NIPAL4: variants seen among roughly 807,000 people sequenced by gnomAD.
NIPAL4 encodes NIPA like domain containing 4.
In NIPAL4, 21 loss-of-function variants were observed where a neutral mutation model predicts 31.6. The ratio of observed to expected loss-of-function variants is 0.67; its 90% CI spans 0.47 to 0.96. NIPAL4 has a LOEUF of 0.96. Among genes scored for constraint, NIPAL4 ranks in the 40% least tolerant of loss-of-function variants. The pLI is 0.00. For missense variants in NIPAL4, 438 were observed against 508.0 expected (o/e 0.86, Z 1.32); for synonymous variants, 175 against 211.1 (o/e 0.83, Z 1.48).
rs762478156 is a variant in NIPAL4 at position 157,472,751 on chromosome 5, A to T, written c.1006A>T (p.Ile336Phe). The change falls in exon 6 of 6, where the codon ATC becomes TTC. Residue 336 changes from isoleucine (I) to phenylalanine (F), a missense_variant. Physicochemically the swap from Ile to Phe is conservative, Grantham distance 21. Coordinates refer to ENST00000311946, the MANE Select transcript of NIPAL4 (RefSeq NM_001099287.2). ...CACCCTCTCGGGCTTTGTCACCATC[A>T]TCTTGGGCGTGTTCATGCTGCATGC... ...AGTLSGFVTI[I>F]LGVFMLHAFK... is the part of the protein sequence containing the mutation. 2.5e-6 allele frequency: 4 copies of T among 1,613,482 alleles called. No individual in the cohort carries two copies. Among genetic ancestry groups the T allele is most frequent in the Non-Finnish European group, 3.4e-6 (4 of 1,179,490 alleles).
chr5:157,464,843 A>G (rs1437305888), intron 2 of NIPAL4, among the ~76,000 whole-genome samples: 1 of 152,176 alleles, frequency 6.6e-6, no homozygotes, highest in Non-Finnish European at 1.5e-5. Flanking sequence ...TGGTGATTCA[A>G]TTCTGGGCAA....
intron 1 of NIPAL4, among the ~76,000 whole-genome samples, chr5:157,462,836 T>C (rs1398710234): frequency 1.3e-5 from 2 of 152,232 alleles, no homozygotes; most frequent in East Asian, 3.8e-4. Flanking sequence ...TATGTACTTC[T>C]TCTGACTGAG....
At chr5:157,471,895 G>T in intron 5 of NIPAL4, 78 bp downstream of exon 5, 1 of 1,100,860 alleles carries the variant, frequency 9.1e-7, no homozygotes, top group Admixed American at 2.0e-5. Context: ...GGTCAGGTTG[G>T]GTTCTGACCA....
intron 3 of NIPAL4, among the ~76,000 whole-genome samples, chr5:157,468,197 G>A (rs541240975): frequency 6.6e-6 from 1 of 152,008 alleles, no homozygotes; most frequent in Admixed American, 6.5e-5. Flanking sequence ...TTACAGGTGT[G>A]AGGCAACGCG....
At chr5:157,470,258 T>C (rs1754389176) in intron 4 of NIPAL4, among the ~76,000 whole-genome samples, 1 of 152,128 alleles carries the variant, frequency 6.6e-6, no homozygotes, top group Admixed American at 6.5e-5. Context: ...CCTTCCTCTC[T>C]TGCTTCTGCT....
Position 157,471,790 on chromosome 5 carries a change from G to A in NIPAL4, c.559G>A (p.Glu187Lys), listed in dbSNP as rs1225886758. 2 of 1,596,122 alleles carry A rather than the reference G, an allele frequency of 1.3e-6. No individual in the cohort carries two copies. Among genetic ancestry groups the A allele is most frequent in the Non-Finnish European group, 1.7e-6 (2 of 1,171,098 alleles). ...GGAAGAGAAGGTCACTACCATCATGGAGATGGCTTCCAAGATGAAAGACAC... is the reference window on the plus strand; with the variant it reads ...GGAAGAGAAGGTCACTACCATCATGAAGATGGCTTCCAAGATGAAAGACAC... ...PEEEKVTTIM[E>K]MASKMKDTGF... Residue 187 changes from glutamate (E) to lysine (K), a missense_variant, in exon 5 of 6, where the codon GAG becomes AAG. Transcript: ENST00000311946.
intron 2 of NIPAL4, among the ~76,000 whole-genome samples, chr5:157,466,326 G>A (rs1401431566): frequency 1.3e-5 from 2 of 152,326 alleles, no homozygotes; most frequent in African/African-American, 4.8e-5. Context: ...TTGGACAGGT[G>A]AGCAGGGCCA....
At position 157,460,229 on chromosome 5, in the gene NIPAL4, G is replaced by A. The variant is rs1341831936; in HGVS notation, c.-92G>A. The A allele has an allele frequency of 2.0e-6, 3 of 1,503,248 alleles. No homozygotes were observed. Among genetic ancestry groups the A allele is most frequent in the Non-Finnish European group, 1.8e-6 (2 of 1,129,038 alleles). The allele number at this position is 1,503,248 out of a possible 1,614,324, so 93.1% of individuals were successfully genotyped here. ...GACCCCGGCGGCTTCTCGCGCGCGA[G>A]CCACGCGGGGGACAAGTCGCGGCCA... On this transcript the variant is annotated 5_prime_UTR_variant, in exon 1 of 6. Transcript: ENST00000311946.
intron 2 of NIPAL4, among the ~76,000 whole-genome samples, chr5:157,464,462 A>G (rs2113660957): frequency 6.6e-6 from 1 of 152,320 alleles, no homozygotes; most frequent in Middle Eastern, 3.4e-3. Context: ...ATTAGGGGAC[A>G]AGCCTGGAGC....
At chr5:157,461,827 A>G (rs1754119030) in intron 1 of NIPAL4, among the ~76,000 whole-genome samples, 1 of 152,210 alleles carries the variant, frequency 6.6e-6, no homozygotes, top group African/African-American at 2.4e-5. Context: ...CAGTTTCCCC[A>G]GAAAAAATAA....
intron 1 of NIPAL4, 123 bp from the exon 2 acceptor site, chr5:157,462,971 C>T (rs568504531): frequency 1.9e-5 from 23 of 1,219,784 alleles, no homozygotes; most frequent in Middle Eastern, 2.2e-4. Context: ...GGTGGAGGCA[C>T]GGTATATGGG....
rs750991783 is a variant in NIPAL4, at chr5:157,471,754, C to G, written c.523C>G (p.His175Asp). The G allele has an allele frequency of 1.2e-6, 2 of 1,604,100 alleles. No individual in the cohort carries two copies. The highest frequency in any genetic ancestry group is 2.2e-5 in the South Asian group (2 of 88,992). ...GGCCGGAAGCACAGTGATGGTGATA[C>G]ATGCTCCTGAGGAAGAGAAGGTCAC... ...CVAGSTVMVI[H>D]APEEEKVTTI... The change falls in exon 5 of 6, where the codon CAT (histidine) becomes GAT (aspartate). Residue 175 changes from histidine (H) to aspartate (D), a missense_variant. Transcript: ENST00000311946.
chr5:157,460,690 T>G, intron 1 of NIPAL4: 5 of 539,548 alleles, frequency 9.3e-6, no homozygotes, highest in Non-Finnish European at 1.1e-5. Flanking sequence ...TTTTAATGTG[T>G]AGTTGCTTCA....
intron 2 of NIPAL4, among the ~76,000 whole-genome samples, chr5:157,464,403 A>C (rs1234688534): frequency 2.0e-5 from 3 of 152,192 alleles, no homozygotes; most frequent in Non-Finnish European, 2.9e-5. Context: ...CGAGTGACAC[A>C]GTCTAATTTG....
At chr5:157,462,882 G>C (rs182401123) in intron 1 of NIPAL4, among the ~76,000 whole-genome samples, 1 of 152,214 alleles carries the variant, frequency 6.6e-6, no homozygotes, top group East Asian at 1.9e-4. Context: ...TATCTGGCAC[G>C]TGGTGGTACA....
intron 5 of NIPAL4, 36 bp downstream of exon 5, chr5:157,471,853 G>A (rs752119823): frequency 6.5e-7 from 1 of 1,530,938 alleles, no homozygotes; most frequent in South Asian, 1.2e-5. Context: ...GGAAAATACT[G>A]GAGGTTGAAC....
rs773906582 is a variant in NIPAL4 at position 157,472,898 on chromosome 5, A to G, written c.1153A>G (p.Ile385Val). 2.6e-6 allele frequency: 4 copies of G among 1,540,906 alleles called. No individual in the cohort carries two copies. Among genetic ancestry groups the G allele is most frequent in the Non-Finnish European group, 3.5e-6 (4 of 1,143,448 alleles). ...AGACAAGAACGTCCTTGTGGACAAT[A>G]TAGAACTTGCCAGCACCTCATCACC... ...LEDKNVLVDN[I>V]ELASTSSPEE... Residue 385 changes from isoleucine to valine, a missense_variant, in exon 6 of 6, where the codon ATA (isoleucine) becomes GTA (valine). Transcript: ENST00000311946.
intron 2 of NIPAL4, 134 bp from the exon 3 acceptor site, chr5:157,466,915 C>T (rs1754289113): frequency 3.0e-6 from 2 of 665,086 alleles, no homozygotes. Context: ...CAAATGAACC[C>T]ACCCAGGAGA....
At chr5:157,468,680 C>A in intron 3 of NIPAL4, 42 bp from the exon 4 acceptor site, 1 of 1,120,314 alleles carries the variant, frequency 8.9e-7, no homozygotes, top group Non-Finnish European at 1.4e-6. Flanking sequence ...GGAGATGGTG[C>A]TTCTGCGCCA....
Sources: allele counts gnomAD v4.1 joint callset (sites outside exome capture counted in the v4.1 genomes callset), GRCh38; gene constraint gnomAD v4.1.1; transcripts MANE v1.5; gene names NCBI Gene and HGNC (gene_info 2026-07-23, HGNC 2026-07-21).